The following FRMD5 variants were observed in gnomAD, a reference collection of about 807,000 sequenced individuals.
FRMD5 encodes the protein FERM domain-containing protein 5.
Under a neutral mutation model 69.0 loss-of-function variants are expected in FRMD5, and 20 were observed. The ratio of observed to expected loss-of-function variants is 0.29; its 90% CI spans 0.20 to 0.42. The LOEUF is 0.42. FRMD5 is among the 10% of genes least tolerant of loss of function. FRMD5 has a pLI of 1.00. For missense variants in FRMD5, 595 were observed against 708.6 expected (o/e 0.84, Z 1.82); for synonymous variants, 271 against 260.1 (o/e 1.04, Z -0.40).
intron 2 of FRMD5, among the ~76,000 whole-genome samples, chr15:43,923,573 G>C (rs1273059229): frequency 6.6e-6 from 1 of 152,214 alleles, no homozygotes; most frequent in Non-Finnish European, 1.5e-5. Flanking sequence ...GTATCTGGAG[G>C]GCAAAAGTAT....
intron 1 of FRMD5, among the ~76,000 whole-genome samples, chr15:44,047,203 G>A (rs1238990397): frequency 6.6e-6 from 1 of 152,124 alleles, no homozygotes; most frequent in East Asian, 1.9e-4. Context: ...CAGCTATGTG[G>A]GAGGCTGAGG....
chr15:44,007,253 C>A (rs910640401), intron 1 of FRMD5, among the ~76,000 whole-genome samples: 2 of 152,054 alleles, frequency 1.3e-5, no homozygotes, highest in African/African-American at 4.8e-5. Flanking sequence ...ACACACTTGA[C>A]AGACTACAGT....
At chr15:43,883,046 T>A (rs2088573540) in intron 13 of FRMD5, among the ~76,000 whole-genome samples, 2 of 152,038 alleles carry the variant, frequency 1.3e-5, no homozygotes, top group South Asian at 4.2e-4. Flanking sequence ...AGACCTGAAT[T>A]GAACCTCCCA....
At chr15:43,944,358 T>G (rs1466211816) in intron 1 of FRMD5, among the ~76,000 whole-genome samples, 2 of 152,244 alleles carry the variant, frequency 1.3e-5, no homozygotes, top group Non-Finnish European at 2.9e-5. Flanking sequence ...CTTTAATCTA[T>G]TAACGCATTA....
chr15:43,908,889 A>C (rs1280307585), intron 5 of FRMD5, among the ~76,000 whole-genome samples: 1 of 152,214 alleles, frequency 6.6e-6, no homozygotes, highest in African/African-American at 2.4e-5. Flanking sequence ...CTAGAATTCT[A>C]AGATGCTTCA....
At position 44,079,814 on chromosome 15, in the gene FRMD5, G is replaced by A. The variant is rs559052310; in HGVS notation, c.102+115139C>T. ...AATATTATTCAGTCTTAAAAAGGAA[G>A]GCAATTCTAACTCATGCTACAAGAT... On this transcript the variant is annotated intron_variant, in intron 1 of 13. Transcript: ENST00000417257. 2.0e-5 allele frequency among the ~76,000 whole-genome samples: 3 copies of A among 152,062 alleles called. No homozygotes were observed. In the East Asian group the frequency reaches 5.8e-4, roughly 29 times the overall value.
chr15:44,150,969 G>C lies in FRMD5; in HGVS notation c.102+43984C>G, dbSNP rs146776999. Among the ~76,000 whole-genome samples the C allele has an allele frequency of 3.5e-3, 539 of 152,150 alleles. 5 individuals carry two copies. Among genetic ancestry groups the C allele is most frequent in the African/African-American group, 0.012 (510 of 41,518 alleles). On this transcript the variant is annotated intron_variant, in intron 1 of 13. Transcript: ENST00000417257. ...TAGCCAAGCGTGGTGGTATGCACCT[G>C]TAGTCTCAGCTACTTGGGAGGCTGA...
At chr15:44,143,245 A>G (rs549027939) in intron 1 of FRMD5, among the ~76,000 whole-genome samples, 3 of 152,324 alleles carry the variant, frequency 2.0e-5, no homozygotes, top group East Asian at 3.9e-4. Context: ...CACTGAAACT[A>G]GAGAGTAGAA....
chr15:43,888,659 C>G (rs898748550), intron 9 of FRMD5, 150 bp downstream of exon 9: 3 of 674,294 alleles, frequency 4.4e-6, no homozygotes, highest in Non-Finnish European at 2.6e-6. Context: ...CCTTCCCGCT[C>G]CTTCATATTG....
At chr15:44,062,411 C>T (rs1893126245) in intron 1 of FRMD5, among the ~76,000 whole-genome samples, 2 of 152,108 alleles carry the variant, frequency 1.3e-5, no homozygotes, top group African/African-American at 4.8e-5. Flanking sequence ...TAGCTACAGG[C>T]TGGGCGCTGT....
At chr15:44,112,734 C>G (rs2076816251) in intron 1 of FRMD5, among the ~76,000 whole-genome samples, 1 of 152,078 alleles carries the variant, frequency 6.6e-6, no homozygotes, top group African/African-American at 2.4e-5. Context: ...TCCCAAAGTG[C>G]TAGGATTACA....
At chr15:44,174,049 G>A (rs1041560272) in intron 1 of FRMD5, among the ~76,000 whole-genome samples, 1 of 151,818 alleles carries the variant, frequency 6.6e-6, no homozygotes, top group African/African-American at 2.4e-5. Context: ...CAAGTTTCCT[G>A]AGTTCAAACA....
chr15:43,951,882 C>T (rs1027416975), intron 1 of FRMD5, among the ~76,000 whole-genome samples: 4 of 152,092 alleles, frequency 2.6e-5, no homozygotes, highest in African/African-American at 9.7e-5. Context: ...TCTCCCCTGA[C>T]CAGGCCTCTC....
intron 1 of FRMD5, among the ~76,000 whole-genome samples, chr15:43,994,026 T>C (rs1403648304): frequency 1.3e-5 from 2 of 152,240 alleles, no homozygotes; most frequent in Non-Finnish European, 2.9e-5. Flanking sequence ...TTTTTTAAAT[T>C]AATTCAACCA....
chr15:44,067,335 C>T (rs1344810106), intron 1 of FRMD5, among the ~76,000 whole-genome samples: 2 of 152,042 alleles, frequency 1.3e-5, no homozygotes, highest in South Asian at 2.1e-4. Context: ...TGCTTAGACA[C>T]CAAAGTAAAT....
At chr15:44,009,703 T>G (rs1454955828) in intron 1 of FRMD5, among the ~76,000 whole-genome samples, 1 of 151,664 alleles carries the variant, frequency 6.6e-6, no homozygotes, top group African/African-American at 2.4e-5. Flanking sequence ...TTTTATGGAG[T>G]TTTTTTGAGG....
At chr15:44,008,089 A>ATTTTTTTTTT in intron 1 of FRMD5, among the ~76,000 whole-genome samples, 1 of 62,806 alleles carries the variant, frequency 1.6e-5, no homozygotes, top group Non-Finnish European at 3.2e-5. Flanking sequence ...ACAATCGGCA[A>ATTTTTTTTTT]TTTTTTTTTT....
At chr15:44,044,492 T>C (rs868239156) in intron 1 of FRMD5, among the ~76,000 whole-genome samples, 4 of 152,148 alleles carry the variant, frequency 2.6e-5, no homozygotes, top group African/African-American at 4.8e-5. Context: ...CTACTCACAA[T>C]AGCAAAGACT....
At position 43,989,174 on chromosome 15, in the gene FRMD5, C is replaced by T. The variant is rs577788849; in HGVS notation, c.103-64865G>A. On this transcript the variant is annotated intron_variant, in intron 1 of 13. Transcript: ENST00000417257. Reference sequence around the variant, plus strand: ...GCCAGGATGGAGCTGCCGATCCACACGGAGTACTTGCGCTTGGGAGGAGCA... The same window carrying T: ...GCCAGGATGGAGCTGCCGATCCACATGGAGTACTTGCGCTTGGGAGGAGCA... 33 of 882,642 alleles carry T rather than the reference C, an allele frequency of 3.7e-5. 1 individual carries two copies. The highest frequency in any genetic ancestry group is 1.3e-4 in the South Asian group (10 of 76,624). 54.7% of individuals were successfully genotyped at this position (882,642 alleles called of 1,614,324 possible).
Sources: gnomAD v4.1 joint callset for allele counts (sites outside exome capture counted in the v4.1 genomes callset) on GRCh38, gnomAD v4.1.1 for gene constraint, MANE v1.5 for transcripts, NCBI Gene and HGNC (gene_info 2026-07-23, HGNC 2026-07-21) for gene names.